The following ZBBX variants were observed in gnomAD, a reference collection of about 807,000 sequenced individuals.
ZBBX encodes zinc finger B-box domain containing.
Under a neutral mutation model 108.5 loss-of-function variants are expected in ZBBX, and 101 were observed. The ratio of observed to expected loss-of-function variants is 0.93; its 90% CI spans 0.79 to 1.10. The LOEUF (loss-of-function observed/expected upper bound fraction) is 1.10. Ranked by LOEUF, ZBBX falls within the 50% of genes least tolerant of loss-of-function variation. The pLI is 0.00. For missense variants in ZBBX, 1,009 were observed against 941.4 expected (o/e 1.07, Z -0.94); for synonymous variants, 356 against 323.4 (o/e 1.10, Z -1.08).
At chr3:167,201,185 G>A in the ZBBX span, among the ~76,000 whole-genome samples, 1 of 152,096 alleles carries the variant, frequency 6.6e-6, no homozygotes, top group Non-Finnish European at 1.5e-5. Context: ...AGATCCAAAT[G>A]TACAGTAGCT....
chr3:167,298,709 C>CT (rs1298135550), intron 17 of ZBBX, among the ~76,000 whole-genome samples: 2 of 151,950 alleles, frequency 1.3e-5, no homozygotes, highest in Admixed American at 1.3e-4. Flanking sequence ...ATAAAATAAA[C>CT]TTTTTTTCTC....
chr3:167,406,725 A>G (rs1159084233), intron 1 of ZBBX, among the ~76,000 whole-genome samples: 1 of 152,216 alleles, frequency 6.6e-6, no homozygotes, highest in African/African-American at 2.4e-5. Flanking sequence ...TTGATCGCAA[A>G]TGAGTAAGCC....
In ZBBX at chr3:167,280,135, C is replaced by T. The variant is rs539936279; in HGVS notation, c.2254+2103G>A. On this transcript the variant is annotated intron_variant, in intron 20 of 21. Coordinates refer to ENST00000675490, the MANE Select transcript of ZBBX (RefSeq NM_001199201.2). Reference sequence around the variant, plus strand: ...AAGACTTAAACTTTAGACCAAAAACCATAAAAACCCTAGAAGAAAACCTAG... The same window carrying T: ...AAGACTTAAACTTTAGACCAAAAACTATAAAAACCCTAGAAGAAAACCTAG... 2.0e-5 allele frequency among the ~76,000 whole-genome samples: 3 copies of T among 152,132 alleles called. No individual in the cohort carries two copies. The South Asian group carries it at 6.2e-4, about 32-fold the overall frequency.
intron 11 of ZBBX, among the ~76,000 whole-genome samples, chr3:167,323,296 C>G (rs1049087108): frequency 6.7e-6 from 1 of 149,972 alleles, no homozygotes; most frequent in Admixed American, 6.7e-5. Flanking sequence ...AGAAGAGCCA[C>G]TGTGCTTGAG....
chr3:167,259,304 T>C (rs940780251), intron 20 of ZBBX, among the ~76,000 whole-genome samples: 1 of 152,208 alleles, frequency 6.6e-6, no homozygotes, highest in African/African-American at 2.4e-5. Flanking sequence ...ATTTCAGTGG[T>C]GTCAGTTGTA....
the ZBBX span, among the ~76,000 whole-genome samples, chr3:167,179,744 T>C: frequency 6.6e-6 from 1 of 152,202 alleles, no homozygotes; most frequent in African/African-American, 2.4e-5. Context: ...ATAAGAAGTT[T>C]TACCATTACT....
chr3:167,234,727 C>A, the ZBBX span, among the ~76,000 whole-genome samples: 6 of 151,722 alleles, frequency 4.0e-5, no homozygotes. Context: ...TGCCAGTTGC[C>A]TTCAGTATCC....
At chr3:167,315,642 C>A in intron 15 of ZBBX, 108 bp downstream of exon 15, 1 of 742,900 alleles carries the variant, frequency 1.3e-6, no homozygotes, top group South Asian at 1.9e-5. Context: ...ACATTAATGT[C>A]ACATGTTTTT....
chr3:167,348,232 G>GGA (rs1193564413), intron 9 of ZBBX, among the ~76,000 whole-genome samples: 2 of 71,000 alleles, frequency 2.8e-5, no homozygotes, highest in Non-Finnish European at 5.6e-5. Context: ...GGAGGGAGGA[G>GGA]GGAAGGAAGG....
At chr3:167,186,941 T>C in the ZBBX span, among the ~76,000 whole-genome samples, 5 of 152,204 alleles carry the variant, frequency 3.3e-5, no homozygotes, top group African/African-American at 1.2e-4. Flanking sequence ...ATCTTTAAAA[T>C]GTACTTTTAT....
chr3:167,198,651 T>C, the ZBBX span, among the ~76,000 whole-genome samples: 1 of 152,074 alleles, frequency 6.6e-6, no homozygotes, highest in Non-Finnish European at 1.5e-5. Flanking sequence ...GAGAAGAAAA[T>C]ACTTATCAGA....
At chr3:167,266,429 C>T (rs950006138) in intron 20 of ZBBX, among the ~76,000 whole-genome samples, 1 of 152,154 alleles carries the variant, frequency 6.6e-6, no homozygotes, top group Non-Finnish European at 1.5e-5. Flanking sequence ...CAGCTTACCC[C>T]CTTCCCGTCA....
At chr3:167,397,758 C>T (rs1413628341) in intron 1 of ZBBX, among the ~76,000 whole-genome samples, 1 of 151,206 alleles carries the variant, frequency 6.6e-6, no homozygotes, top group Non-Finnish European at 1.5e-5. Context: ...AATGGCTTTG[C>T]CTTTCAAAAG....
chr3:167,314,698 T>C (rs1735147272), intron 15 of ZBBX, among the ~76,000 whole-genome samples: 1 of 152,130 alleles, frequency 6.6e-6, no homozygotes, highest in Non-Finnish European at 1.5e-5. Flanking sequence ...AAGGCCCTCT[T>C]GTGTCACTCG....
chr3:167,248,271 A>C (rs1040559076), intron 20 of ZBBX, among the ~76,000 whole-genome samples: 1 of 152,186 alleles, frequency 6.6e-6, no homozygotes, highest in Admixed American at 6.5e-5. Flanking sequence ...CACAGGGTCA[A>C]CGAATGGGTG....
intron 16 of ZBBX, among the ~76,000 whole-genome samples, chr3:167,311,812 C>G (rs977634033): frequency 3.3e-5 from 5 of 152,058 alleles, no homozygotes; most frequent in Non-Finnish European, 5.9e-5. Flanking sequence ...GTAACAGGAA[C>G]TTTCATTAAT....
chr3:167,274,549 CA>C (rs1289125929), intron 20 of ZBBX, among the ~76,000 whole-genome samples: 1 of 152,192 alleles, frequency 6.6e-6, no homozygotes, highest in Non-Finnish European at 1.5e-5. Flanking sequence ...AGTTTCTTTT[CA>C]AAAGGTTTAG....
chr3:167,347,124 G>A (rs2108475246), intron 9 of ZBBX, among the ~76,000 whole-genome samples: 1 of 151,966 alleles, frequency 6.6e-6, no homozygotes, highest in African/African-American at 2.4e-5. Context: ...CACACATAGT[G>A]AAACTGTTCA....
rs565025350 is a variant in ZBBX, at chr3:167,310,477, T to C, written c.1417+3497A>G. Among the ~76,000 whole-genome samples, 3 of 152,290 alleles carry C rather than the reference T, an allele frequency of 2.0e-5. No individual in the cohort carries two copies. In the South Asian group the frequency reaches 6.2e-4, roughly 32 times the overall value. The stretch of plus-strand genomic sequence containing the variant: ...GAACTACCTAAGACTGGGTACTTTA[T>C]TAAGGAAAGAGGCTTAATTGACTCA... On this transcript the variant is annotated intron_variant, in intron 16 of 21. Transcript: ENST00000675490.
Sources: gnomAD v4.1 joint callset for allele counts (sites outside exome capture counted in the v4.1 genomes callset) on GRCh38, gnomAD v4.1.1 for gene constraint, MANE v1.5 for transcripts, NCBI Gene and HGNC (gene_info 2026-07-23, HGNC 2026-07-21) for gene names.